Variants in NOS1AP observed in about 807,000 individuals in gnomAD.
NOS1AP encodes carboxyl-terminal PDZ ligand of neuronal nitric oxide synthase protein.
In NOS1AP, 21 loss-of-function variants were observed where a neutral mutation model predicts 56.2. The ratio of observed to expected loss-of-function variants is 0.37; its 90% CI spans 0.26 to 0.54. The LOEUF (loss-of-function observed/expected upper bound fraction) is 0.54. NOS1AP is among the 20% of genes least tolerant of loss of function. The probability of loss-of-function intolerance (pLI) is 0.84; values close to 1 mark genes in which losing one functional copy is unlikely to be tolerated. For missense variants in NOS1AP, 522 were observed against 657.8 expected, an observed-to-expected ratio of 0.79 and a Z score of 2.26; for synonymous variants, 270 against 274.6, an observed-to-expected ratio of 0.98 and a Z score of 0.17.
intron 2 of NOS1AP, among the ~76,000 whole-genome samples, chr1:162,182,434 C>A (rs1030992325): frequency 7.9e-5 from 12 of 152,152 alleles, no homozygotes; most frequent in Non-Finnish European, 1.5e-4. Context: ...TACTGACTGA[C>A]CAGGGTGCTG....
chr1:162,324,157 C>T (rs5008326), intron 4 of NOS1AP, among the ~76,000 whole-genome samples: 150,634 of 152,270 alleles, frequency 0.99, 74,537 homozygotes, highest in Middle Eastern at 1. Context: ...CTGAGCACAA[C>T]CCTCAGGAAG....
At chr1:162,076,561 C>A (rs1309612078) in intron 1 of NOS1AP, among the ~76,000 whole-genome samples, 4 of 152,162 alleles carry the variant, frequency 2.6e-5, no homozygotes, top group African/African-American at 9.7e-5. Context: ...AGAACATTTT[C>A]ATCACATTAA....
chr1:162,180,703 C>T (rs1209813346), intron 2 of NOS1AP, among the ~76,000 whole-genome samples: 1 of 152,120 alleles, frequency 6.6e-6, no homozygotes, highest in Non-Finnish European at 1.5e-5. Flanking sequence ...CTGTAGCTGC[C>T]GGGAACTCAG....
chr1:162,255,818 G>A (rs772320721), intron 2 of NOS1AP, among the ~76,000 whole-genome samples: 9 of 152,158 alleles, frequency 5.9e-5, no homozygotes, highest in Non-Finnish European at 1.0e-4. Flanking sequence ...CACTAACCCA[G>A]TCTTTATGGG....
rs535160440 is a variant in NOS1AP at position 162,086,538 on chromosome 1, T to G, written c.105+16256T>G. ...GCTTAGCACAGTGCCTGACACCTTA[T>G]AGGTGTGCCATTGGTCTTGAATGAA... On this transcript the variant is annotated intron_variant, in intron 1 of 9. Coordinates refer to ENST00000361897, the MANE Select transcript of NOS1AP (RefSeq NM_014697.3). 1.6e-4 allele frequency among the ~76,000 whole-genome samples: 25 copies of G among 152,264 alleles called. No homozygotes were observed. In the South Asian group the frequency reaches 5.0e-3, roughly 30 times the overall value.
chr1:162,216,825 A>C (rs4282792), intron 2 of NOS1AP, among the ~76,000 whole-genome samples: 1 of 152,078 alleles, frequency 6.6e-6, no homozygotes, highest in Admixed American at 6.5e-5. Context: ...TCAACTTTCT[A>C]AACTTCTCTG....
At chr1:162,344,070 A>G (rs1657197235) in intron 6 of NOS1AP, 94 bp downstream of exon 6, 23 of 1,356,496 alleles carry the variant, frequency 1.7e-5, no homozygotes, top group Non-Finnish European at 2.2e-5. Flanking sequence ...CTGTGAACTC[A>G]TTTTAAGAAA....
rs867087044 is a variant in NOS1AP at position 162,314,295 on chromosome 1, G to A, written c.344+13589G>A. 4.6e-5 allele frequency among the ~76,000 whole-genome samples: 7 copies of A among 152,214 alleles called. No individual in the cohort carries two copies. In the South Asian group the frequency reaches 6.2e-4, roughly 13 times the overall value. ...TTAAACCTCTGGATCCGCCTCTCTG[G>A]GCCTGGCCCTAGAGGGCATCTTTTA... On this transcript the variant is annotated intron_variant, in intron 4 of 9. Transcript: ENST00000361897.
rs546186072 is a variant in NOS1AP, at chr1:162,334,997, A to G, written c.453+1872A>G. ...TATCAGATCTAACATAGCAATACGG[A>G]CGCAGTGGGGGCATCCACTTCTGAC... On this transcript the variant is annotated intron_variant, in intron 5 of 9. Coordinates refer to ENST00000361897, the MANE Select transcript of NOS1AP (RefSeq NM_014697.3). Among the ~76,000 whole-genome samples, 7 of 150,458 alleles carry G rather than the reference A, an allele frequency of 4.7e-5. No homozygotes were observed. In the South Asian group the frequency reaches 1.3e-3, roughly 27 times the overall value.
chr1:162,268,787 A>AG (rs1389383135), intron 2 of NOS1AP, among the ~76,000 whole-genome samples: 1 of 152,156 alleles, frequency 6.6e-6, no homozygotes, highest in African/African-American at 2.4e-5. Context: ...AGTCAGTAGA[A>AG]GGGTTGAAAG....
In NOS1AP at chr1:162,140,359, C is replaced by A. The variant is rs1056351840; in HGVS notation, c.106-14046C>A. Among the ~76,000 whole-genome samples the A allele has an allele frequency of 1.1e-3, 87 of 80,964 alleles. 1 individual carries two copies. The highest frequency in any genetic ancestry group is 3.3e-3 in the African/African-American group (78 of 23,630). The allele number at this position is 80,964 out of a possible 152,430, so 53.1% of individuals were successfully genotyped here. A position where few individuals can be genotyped will look rare whatever the true frequency, so the allele number is the denominator to read the frequency against. ...GTGCAGGTCTGTTACATGGGTATAC[C>A]CAATGTTTAGCTCCCATTTATAAGT... On this transcript the variant is annotated intron_variant, in intron 1 of 9. Transcript: ENST00000361897.
intron 2 of NOS1AP, among the ~76,000 whole-genome samples, chr1:162,194,342 A>G (rs1249878577): frequency 6.6e-6 from 1 of 152,050 alleles, no homozygotes; most frequent in Non-Finnish European, 1.5e-5. Context: ...GTTTGCAGAG[A>G]GCCTGGTTGG....
chr1:162,206,494 G>GTGAT (rs1652169852), intron 2 of NOS1AP, among the ~76,000 whole-genome samples: 1 of 152,218 alleles, frequency 6.6e-6, no homozygotes, highest in East Asian at 1.9e-4. Context: ...TTGAGTAGCT[G>GTGAT]TGATAGAGAC....
chr1:162,125,942 AT>A, intron 1 of NOS1AP, among the ~76,000 whole-genome samples: 1 of 151,810 alleles, frequency 6.6e-6, no homozygotes, highest in Admixed American at 6.6e-5. Flanking sequence ...GTCATCTATG[AT>A]TTTTTTCAGC....
chr1:162,265,122 C>A (rs1222248393), intron 2 of NOS1AP, among the ~76,000 whole-genome samples: 1 of 152,030 alleles, frequency 6.6e-6, no homozygotes, highest in Non-Finnish European at 1.5e-5. Flanking sequence ...GTCCTCTTTG[C>A]CTACTTTCTA....
rs866656696 is a variant in NOS1AP at position 162,174,525 on chromosome 1, G to A, written c.177+20049G>A. On this transcript the variant is annotated intron_variant, in intron 2 of 9. Transcript: ENST00000361897. Reference sequence around the variant, plus strand: ...GTATACATATGTAACAAACCTGCACGTTGTGCACATGTACCCTAAAACTTA... The same window carrying A: ...GTATACATATGTAACAAACCTGCACATTGTGCACATGTACCCTAAAACTTA... Among the ~76,000 whole-genome samples, 47 of 152,098 alleles carry A rather than the reference G, an allele frequency of 3.1e-4. No homozygotes were observed. In the Middle Eastern group the frequency reaches 0.017, roughly 55 times the overall value.
At chr1:162,141,783 G>T (rs1290671354) in intron 1 of NOS1AP, among the ~76,000 whole-genome samples, 1 of 152,142 alleles carries the variant, frequency 6.6e-6, no homozygotes, top group African/African-American at 2.4e-5. Context: ...TGCAAAAATA[G>T]TTGCTGTTTT....
At chr1:162,180,980 C>T (rs901782646) in intron 2 of NOS1AP, among the ~76,000 whole-genome samples, 4 of 152,364 alleles carry the variant, frequency 2.6e-5, no homozygotes, top group African/African-American at 7.2e-5. Context: ...CATCTATTCT[C>T]AGCTATCCTC....
intron 1 of NOS1AP, among the ~76,000 whole-genome samples, chr1:162,153,647 T>C (rs1649809720): frequency 6.6e-6 from 1 of 152,198 alleles, no homozygotes; most frequent in African/African-American, 2.4e-5. Context: ...AAAAACCAAG[T>C]TGCAGAACAA....
Sources: gnomAD v4.1 joint callset for allele counts (sites outside exome capture counted in the v4.1 genomes callset) on GRCh38, gnomAD v4.1.1 for gene constraint, MANE v1.5 for transcripts, NCBI Gene and HGNC (gene_info 2026-07-23, HGNC 2026-07-21) for gene names.